The following KIAA0319L variants were observed in gnomAD, a reference collection of about 807,000 sequenced individuals.
KIAA0319L encodes dyslexia-associated protein KIAA0319-like protein.
In KIAA0319L, 55 loss-of-function variants were observed where a neutral mutation model predicts 120.1. The ratio of observed to expected loss-of-function variants is 0.46; its 90% CI spans 0.37 to 0.57. The LOEUF (loss-of-function observed/expected upper bound fraction) is 0.57. Ranked by LOEUF, KIAA0319L falls within the 20% of genes least tolerant of loss-of-function variation. The probability of loss-of-function intolerance (pLI) is 0.00; values close to 1 mark genes in which losing one functional copy is unlikely to be tolerated. For missense variants in KIAA0319L, 1,049 were observed against 1,255.3 expected (o/e 0.84, Z 2.48); for synonymous variants, 398 against 471.9 (o/e 0.84, Z 2.03).
chr1:35,514,871 C>T (rs1203775594), intron 2 of KIAA0319L, among the ~76,000 whole-genome samples: 1 of 152,174 alleles, frequency 6.6e-6, no homozygotes, highest in Non-Finnish European at 1.5e-5. Flanking sequence ...GACCTGATCT[C>T]AACATTGGAC....
At chr1:35,555,540 T>G (rs1318883551) in intron 1 of KIAA0319L, among the ~76,000 whole-genome samples, 1 of 152,224 alleles carries the variant, frequency 6.6e-6, no homozygotes, top group African/African-American at 2.4e-5. Flanking sequence ...TCTCATTCAC[T>G]TCCATCCATT....
At chr1:35,519,383 T>C (rs960287309) in intron 2 of KIAA0319L, among the ~76,000 whole-genome samples, 1 of 152,162 alleles carries the variant, frequency 6.6e-6, no homozygotes, top group Non-Finnish European at 1.5e-5. Flanking sequence ...ACTTCAACCA[T>C]ATGATGGCTT....
chr1:35,462,173 G>T (rs987066134), intron 8 of KIAA0319L, among the ~76,000 whole-genome samples: 1 of 152,172 alleles, frequency 6.6e-6, no homozygotes, highest in Non-Finnish European at 1.5e-5. Flanking sequence ...CATTCTGTGA[G>T]TGTCTCCAGG....
intron 4 of KIAA0319L, among the ~76,000 whole-genome samples, chr1:35,475,604 T>C (rs185893950): frequency 6.6e-6 from 1 of 152,222 alleles, no homozygotes; most frequent in Non-Finnish European, 1.5e-5. Flanking sequence ...ACCTCCCAAG[T>C]AGCTGGGACT....
intron 2 of KIAA0319L, among the ~76,000 whole-genome samples, chr1:35,524,992 C>T (rs984054671): frequency 5.3e-5 from 8 of 152,120 alleles, no homozygotes; most frequent in Admixed American, 2.6e-4. Context: ...TCCTCATCCC[C>T]CTACATGCCC....
chr1:35,554,589 C>T, intron 1 of KIAA0319L, 70 bp from the exon 2 acceptor site: 1 of 1,134,334 alleles, frequency 8.8e-7, no homozygotes, highest in South Asian at 1.8e-5. Context: ...ATGTGGAATG[C>T]TAGAAAATAT....
rs772967420 is a variant in KIAA0319L, at chr1:35,506,866, C to T, written c.412G>A (p.Asp138Asn). Residue 138 changes from aspartate to asparagine, a missense_variant, in exon 3 of 21, where the codon GAT (aspartate) becomes AAT (asparagine). By Grantham distance (23) the Asp-to-Asn change is conservative. Transcript: ENST00000325722. The surrounding 1 kb of genome is among the most constrained non-coding windows in gnomAD (Gnocchi z 4.0). ...LVFLKKFQTA[D>N]DLGFLPEDDV... ...TCTTCAGGTAGAAAGCCCAAATCAT[C>T]TGCAGTTTGGAATTTTTTTAAAAAC... 3 of 1,614,228 alleles carry T rather than the reference C, an allele frequency of 1.9e-6. No individual in the cohort carries two copies. In the South Asian group the frequency reaches 3.3e-5, roughly 18 times the overall value.
chr1:35,471,587 A>T (rs532312258), intron 5 of KIAA0319L, among the ~76,000 whole-genome samples: 27 of 152,304 alleles, frequency 1.8e-4, no homozygotes, highest in Admixed American at 1.8e-3. Context: ...AGACTATATC[A>T]CTAGGTAAGG....
chr1:35,444,145 TC>T lies in KIAA0319L; in HGVS notation c.2656+15del, dbSNP rs1453792771. 1.3e-6 allele frequency: 2 copies of T among 1,577,542 alleles called. No individual in the cohort carries two copies. The highest frequency in any genetic ancestry group is 3.6e-5 in the Admixed American group (2 of 54,872). On this transcript the variant is annotated intron_variant, in intron 17 of 20. Coordinates refer to ENST00000325722, the MANE Select transcript of KIAA0319L (RefSeq NM_024874.5). ...ACTAGGTAGGCTCTTGCTCCCAAAT[TC>T]CCAGAATTACTCACTGACAGTGTTG...
intron 6 of KIAA0319L, 147 bp from the exon 7 acceptor site, chr1:35,466,842 C>T (rs910330783): frequency 1.6e-6 from 1 of 627,488 alleles, no homozygotes; most frequent in Non-Finnish European, 2.8e-6. Flanking sequence ...AGCCTGTAAT[C>T]CTAGCAATTT....
chr1:35,517,316 T>C (rs889440535), intron 2 of KIAA0319L, among the ~76,000 whole-genome samples: 15 of 152,124 alleles, frequency 9.9e-5, no homozygotes, highest in Non-Finnish European at 5.9e-5. Context: ...CTAACTATAC[T>C]ACAGGGCTAC....
chr1:35,505,239 T>C lies in KIAA0319L; in HGVS notation c.666+1373A>G, dbSNP rs144945237. The stretch of plus-strand genomic sequence containing the variant: ...GCAGAAATGATATTCATCTTATTTA[T>C]TGTAATATTCCCAGTATCCAGCTTA... On this transcript the variant is annotated intron_variant, in intron 3 of 20. Coordinates refer to ENST00000325722, the MANE Select transcript of KIAA0319L (RefSeq NM_024874.5). Among the ~76,000 whole-genome samples, 18 of 152,310 alleles carry C rather than the reference T, an allele frequency of 1.2e-4. 2 individuals are homozygous for C. Among genetic ancestry groups the C allele is most frequent in the African/African-American group, 3.8e-4 (16 of 41,560 alleles).
intron 2 of KIAA0319L, among the ~76,000 whole-genome samples, chr1:35,547,274 T>C (rs1319895513): frequency 6.7e-6 from 1 of 148,742 alleles, no homozygotes; most frequent in Non-Finnish European, 1.5e-5. Flanking sequence ...TTTACTATAG[T>C]GCAATTGGAT....
chr1:35,481,283 A>G (rs1324197758), intron 3 of KIAA0319L, among the ~76,000 whole-genome samples: 1 of 152,314 alleles, frequency 6.6e-6, no homozygotes, highest in South Asian at 2.1e-4. Flanking sequence ...CACGTGTTCT[A>G]ATTTATCTTA....
rs1466563363 is a variant in KIAA0319L, at chr1:35,434,674, G to A, written c.*220C>T. Reference sequence around the variant, plus strand: ...AGGCCCTGAGGTGAGGATATCTGGGGGCCCACCAGACAGGTTTAAAGAGGA... The same window carrying A: ...AGGCCCTGAGGTGAGGATATCTGGGAGCCCACCAGACAGGTTTAAAGAGGA... On this transcript the variant is annotated 3_prime_UTR_variant, in exon 21 of 21. Transcript: ENST00000325722. The A allele has an allele frequency of 1.9e-6, 1 of 521,808 alleles. No individual in the cohort carries two copies. Among genetic ancestry groups the A allele is most frequent in the Non-Finnish European group, 3.4e-6 (1 of 297,042 alleles). 32.3% of individuals were successfully genotyped at this position (521,808 alleles called of 1,614,324 possible). A position where few individuals can be genotyped will look rare whatever the true frequency, so the allele number is the denominator to read the frequency against.
chr1:35,498,343 A>G (rs952989998), intron 3 of KIAA0319L, among the ~76,000 whole-genome samples: 48 of 152,234 alleles, frequency 3.2e-4, no homozygotes, highest in African/African-American at 1.1e-3. Context: ...TCGGGAAAAA[A>G]AAAAAAGAAA....
intron 3 of KIAA0319L, among the ~76,000 whole-genome samples, chr1:35,479,947 C>CGAAAAAA (rs1644079382): frequency 3.1e-5 from 1 of 32,290 alleles, no homozygotes; most frequent in Non-Finnish European, 5.8e-5. Flanking sequence ...TATGATGAGC[C>CGAAAAAA]AAAAAAAAAA....
chr1:35,518,028 ATACCAG>A (rs1645753064), intron 2 of KIAA0319L, among the ~76,000 whole-genome samples: 1 of 152,238 alleles, frequency 6.6e-6, no homozygotes, highest in Non-Finnish European at 1.5e-5. Context: ...ATACTATCTC[ATACCAG>A]TCAGAATGGC....
rs1646628553 is a variant in KIAA0319L, at chr1:35,537,575, A to G, written c.142+16775T>C. 4.1e-5 allele frequency among the ~76,000 whole-genome samples: 6 copies of G among 146,780 alleles called. No homozygotes were observed. In the South Asian group the frequency reaches 1.3e-3, roughly 32 times the overall value. ...AGGAAAAGTTTATATCAATTTACCC[A>G]TTGAAACTCTCTCTTTTTGGAGCAT... On this transcript the variant is annotated intron_variant, in intron 2 of 20. Coordinates refer to ENST00000325722, the MANE Select transcript of KIAA0319L (RefSeq NM_024874.5).
Sources: allele counts gnomAD v4.1 joint callset (sites outside exome capture counted in the v4.1 genomes callset), GRCh38; gene constraint gnomAD v4.1.1; non-coding constraint Gnocchi (gnomAD v3.1); transcripts MANE v1.5; gene names NCBI Gene and HGNC (gene_info 2026-07-23, HGNC 2026-07-21).